Variants in SYNPO2 observed in about 807,000 individuals in gnomAD.
SYNPO2 encodes the protein synaptopodin 2, also known as synaptopodin-2.
SYNPO2 carries 56 observed loss-of-function variants against 85.0 expected under a neutral mutation model. That is an observed-to-expected ratio of 0.66 (90% confidence interval 0.53 to 0.82). The LOEUF (loss-of-function observed/expected upper bound fraction) is 0.82, where lower values mean the gene tolerates loss of function less well. Ranked by LOEUF, SYNPO2 falls within the 40% of genes least tolerant of loss-of-function variation. The pLI, the probability that SYNPO2 is intolerant of heterozygous loss-of-function variation, is 0.00. For synonymous variants in SYNPO2, 602 were observed against 591.1 expected (o/e 1.02, Z -0.27); for missense variants, 1,575 against 1,534.2 (o/e 1.03, Z -0.44).
chr4:118,879,800 T>A (rs761125231), intron 1 of SYNPO2, among the ~76,000 whole-genome samples: 18 of 152,032 alleles, frequency 1.2e-4, no homozygotes, highest in Non-Finnish European at 2.5e-4. Flanking sequence ...TAACTGCAAC[T>A]TTTGTGACAT....
chr4:118,954,276 TC>T (rs757597125), intron 1 of SYNPO2, among the ~76,000 whole-genome samples: 5 of 152,222 alleles, frequency 3.3e-5, no homozygotes, highest in Non-Finnish European at 7.3e-5. Context: ...AAATGTGCCT[TC>T]AATATCTTCA....
intron 1 of SYNPO2, among the ~76,000 whole-genome samples, chr4:118,905,809 C>T (rs1471375995): frequency 6.6e-6 from 1 of 152,178 alleles, no homozygotes; most frequent in East Asian, 1.9e-4. Flanking sequence ...CACATGGGCT[C>T]AGTGTCCTGG....
upstream of SYNPO2, among the ~76,000 whole-genome samples, chr4:118,884,968 A>G (rs1362665487): frequency 6.6e-6 from 1 of 152,222 alleles, no homozygotes; most frequent in Admixed American, 6.5e-5. Flanking sequence ...CCTGGACACC[A>G]GGAAGGTCGG....
At chr4:118,879,939 T>C (rs542862011) in intron 1 of SYNPO2, among the ~76,000 whole-genome samples, 145 of 151,950 alleles carry the variant, frequency 9.5e-4, no homozygotes, top group African/African-American at 3.3e-3. Context: ...TGCACTACTT[T>C]AGAGACCCAG....
upstream of SYNPO2, among the ~76,000 whole-genome samples, chr4:118,886,922 T>C (rs977344386): frequency 6.6e-6 from 1 of 152,170 alleles, no homozygotes; most frequent in Non-Finnish European, 1.5e-5. Flanking sequence ...CTGGGGAGCA[T>C]GGGCTGTGTA....
rs1553945958 is a variant in SYNPO2 at position 119,007,260 on chromosome 4, A to ATG, written c.106-16169_106-16168insGT. Among the ~76,000 whole-genome samples the ATG allele has an allele frequency of 3.7e-3, 138 of 36,988 alleles. 5 individuals carry two copies. Among genetic ancestry groups the ATG allele is most frequent in the East Asian group, 0.027 (36 of 1,316 alleles). 24.3% of individuals were successfully genotyped at this position (36,988 alleles called of 152,430 possible). A position where few individuals can be genotyped will look rare whatever the true frequency, so the allele number is the denominator to read the frequency against. On this transcript the variant is annotated intron_variant, in intron 1 of 4. Coordinates refer to ENST00000307142, the MANE Select transcript of SYNPO2 (RefSeq NM_133477.3). ...TATATATATATGTATATACATATATATATATATATATATATGTATATACAT... is the reference window on the plus strand; with the variant it reads ...TATATATATATGTATATACATATATATGTATATATATATATATGTATATACAT...
At position 119,027,422 on chromosome 4, in the gene SYNPO2, C is replaced by T. The variant is rs2149188191; in HGVS notation, c.1053C>T (p.His351=). The change falls in exon 3 of 5, where the codon CAC becomes CAT. Residue 351 remains histidine (H), a synonymous_variant. Transcript: ENST00000307142. Reference sequence around the variant, plus strand: ...AAGATCACAGCAGACCTCACAAGCACCGAGCGCGGCATGCACGTAAGTTCT... The same window carrying T: ...AAGATCACAGCAGACCTCACAAGCATCGAGCGCGGCATGCACGTAAGTTCT... ...SEKDHSRPHK[H]RARHARLRRS... is the part of the protein sequence containing the mutation. 2 of 1,597,742 alleles carry T rather than the reference C, an allele frequency of 1.3e-6. No individual in the cohort carries two copies. Among genetic ancestry groups the T allele is most frequent in the South Asian group, 2.2e-5 (2 of 90,386 alleles).
chr4:118,930,232 A>C (rs1015128285), intron 1 of SYNPO2, among the ~76,000 whole-genome samples: 8 of 152,232 alleles, frequency 5.3e-5, no homozygotes, highest in Admixed American at 2.6e-4. Context: ...TCCATTTTAC[A>C]GACCTAGAAG....
In SYNPO2 at chr4:118,994,684, T is replaced by C. The variant is rs547849734; in HGVS notation, c.106-28746T>C. Among the ~76,000 whole-genome samples the C allele has an allele frequency of 2.2e-4, 34 of 152,306 alleles. No individual in the cohort carries two copies. In the South Asian group the frequency reaches 6.8e-3, roughly 31 times the overall value. On this transcript the variant is annotated intron_variant, in intron 1 of 4. Transcript: ENST00000307142. ...GTAAAATGCAATCCTAGTGACAGAG[T>C]AAATTTACATCACATAACCACAAGC... is the stretch of plus-strand genomic sequence containing the variant.
intron 4 of SYNPO2, chr4:119,034,802 T>A: frequency 3.0e-6 from 3 of 985,496 alleles, no homozygotes; most frequent in Non-Finnish European, 2.4e-6. Context: ...GCCAAGGAAG[T>A]GATGTCAGTG....
chr4:118,904,467 A>G (rs1002268501), intron 1 of SYNPO2, among the ~76,000 whole-genome samples: 1 of 152,170 alleles, frequency 6.6e-6, no homozygotes, highest in Non-Finnish European at 1.5e-5. Flanking sequence ...GAAACAGCAT[A>G]TGGAAATCAT....
chr4:119,043,250 C>T (rs1328485102), intron 4 of SYNPO2: 1 of 151,902 alleles, frequency 6.6e-6, no homozygotes, highest in Non-Finnish European at 1.5e-5. Context: ...TCTCTCTTTT[C>T]CTCTCTTTCT....
chr4:119,037,711 T>C, intron 4 of SYNPO2: 1 of 953,662 alleles, frequency 1.0e-6, no homozygotes, highest in Non-Finnish European at 1.2e-6. Context: ...TAAGTTTTGA[T>C]AATAGCTAAC....
In SYNPO2 at chr4:118,879,538, C is replaced by T. The variant is rs759730014; in HGVS notation, c.12+28598C>T. On this transcript the variant is annotated intron_variant, in intron 1 of 4. Transcript: ENST00000610556. ...AATGAGAAGACAGTCATCTACAAAC[C>T]AGGAAGAGGGCACTCAGCAGACAGT... 4.6e-5 allele frequency among the ~76,000 whole-genome samples: 7 copies of T among 152,272 alleles called. No homozygotes were observed. In the East Asian group the frequency reaches 1.2e-3, roughly 25 times the overall value.
intron 1 of SYNPO2, among the ~76,000 whole-genome samples, chr4:118,980,594 C>T (rs1735968090): frequency 6.6e-6 from 1 of 151,830 alleles, no homozygotes; most frequent in Non-Finnish European, 1.5e-5. Context: ...TTAACAGAGA[C>T]ATATATGATT....
intron 1 of SYNPO2, among the ~76,000 whole-genome samples, chr4:118,942,582 A>AG (rs1734351558): frequency 6.6e-6 from 1 of 152,144 alleles, no homozygotes; most frequent in African/African-American, 2.4e-5. Context: ...AATCTGGCTC[A>AG]GCAGTATAAT....
At position 118,851,717 on chromosome 4, in the gene SYNPO2, G is replaced by T. The variant is rs183791526; in HGVS notation, c.12+777G>T. ...ACAGAAAAATGTAGTGAGAATAGTG[G>T]CATTATTTTACATTTTTTCAAATCT... On this transcript the variant is annotated intron_variant, in intron 1 of 4. Transcript: ENST00000610556. Among the ~76,000 whole-genome samples the T allele has an allele frequency of 8.5e-5, 13 of 152,108 alleles. No individual in the cohort carries two copies. In the East Asian group the frequency reaches 2.3e-3, roughly 27 times the overall value.
intron 1 of SYNPO2, among the ~76,000 whole-genome samples, chr4:118,914,978 A>G (rs560147403): frequency 7.0e-6 from 1 of 143,562 alleles, no homozygotes; most frequent in Admixed American, 7.5e-5. Flanking sequence ...TATTTATTAT[A>G]TAATGAAAAA....
chr4:119,018,792 A>G (rs1737612934), intron 1 of SYNPO2, among the ~76,000 whole-genome samples: 1 of 152,180 alleles, frequency 6.6e-6, no homozygotes. Context: ...CTTCAGGATA[A>G]CTAAAAGAGT....
Sources: allele counts gnomAD v4.1 joint callset (sites outside exome capture counted in the v4.1 genomes callset), GRCh38; gene constraint gnomAD v4.1.1; transcripts MANE v1.5; gene names NCBI Gene and HGNC (gene_info 2026-07-23, HGNC 2026-07-21).